PIP5K1C: variants seen among roughly 807,000 people sequenced by gnomAD.
The protein encoded by PIP5K1C is phosphatidylinositol 4-phosphate 5-kinase type-1 gamma.
In PIP5K1C, 45 loss-of-function variants were observed where a neutral mutation model predicts 80.1. The observed-to-expected ratio is 0.56, with a 90% CI of 0.44 to 0.72. The LOEUF (loss-of-function observed/expected upper bound fraction) is 0.72, where lower values mean the gene tolerates loss of function less well. Ranked by LOEUF, PIP5K1C falls within the 30% of genes least tolerant of loss-of-function variation. The pLI is 0.00. For missense variants in PIP5K1C, 753 were observed against 954.6 expected (o/e 0.79, Z 2.78); for synonymous variants, 498 against 420.1 (o/e 1.19, Z -2.27).
chr19:3,642,619 C>T (rs779804457), intron 14 of PIP5K1C, among the ~76,000 whole-genome samples: 6 of 151,866 alleles, frequency 4.0e-5, no homozygotes, highest in South Asian at 2.1e-4. Context: ...CAGGAGGGGG[C>T]GCATTTCACG....
Position 3,655,892 on chromosome 19 carries a change from G to A in PIP5K1C, c.621+513C>T, listed in dbSNP as rs1450238829. 2.6e-5 allele frequency among the ~76,000 whole-genome samples: 4 copies of A among 152,214 alleles called. No individual in the cohort carries two copies. In the East Asian group the frequency reaches 7.7e-4, roughly 29 times the overall value. ...CCTACTCCTACTCCCCCCTCCCGGG[G>A]CCTGACGCACCCTTTCTGTGAGTCA... On this transcript the variant is annotated intron_variant, in intron 6 of 17. Transcript: ENST00000335312.
chr19:3,675,384 AG>A (rs2035326687), intron 1 of PIP5K1C, among the ~76,000 whole-genome samples: 1 of 151,904 alleles, frequency 6.6e-6, no homozygotes, highest in Non-Finnish European at 1.5e-5. Flanking sequence ...TCTCTAAAGG[AG>A]GTTGGGGGAC....
chr19:3,641,603 T>C, intron 15 of PIP5K1C, 102 bp downstream of exon 15: 2 of 822,084 alleles, frequency 2.4e-6, no homozygotes, highest in South Asian at 1.4e-5. Context: ...GAATACAACC[T>C]AGTAAGAAAG....
In PIP5K1C at chr19:3,692,864, G is replaced by A. The variant is rs928172058; in HGVS notation, c.94+7433C>T. Among the ~76,000 whole-genome samples, 2 of 151,542 alleles carry A rather than the reference G, an allele frequency of 1.3e-5. No homozygotes were observed. The highest frequency in any genetic ancestry group is 4.8e-5 in the African/African-American group (2 of 41,238). The stretch of plus-strand genomic sequence containing the variant: ...CCTCACTGTTCCTCTAAAACACCAG[G>A]CGTGGTCCTGCCCCAGAGCCTTTGC... On this transcript the variant is annotated intron_variant, in intron 1 of 17. Coordinates refer to ENST00000335312, the MANE Select transcript of PIP5K1C (RefSeq NM_012398.3). The surrounding 1 kb of genome is among the most constrained non-coding windows in gnomAD (Gnocchi z 5.2).
chr19:3,650,188 T>C (rs967529895), intron 8 of PIP5K1C, among the ~76,000 whole-genome samples: 4 of 152,170 alleles, frequency 2.6e-5, no homozygotes, highest in Admixed American at 1.3e-4. Flanking sequence ...TGCCAGCCAG[T>C]GCCAGCCAGC....
In PIP5K1C at chr19:3,648,549, TGCAGACCCGGGCGCCCACCTGTGG is replaced by T; in HGVS notation, c.1211+52_1211+75del. The T allele has an allele frequency of 9.2e-7, 1 of 1,085,154 alleles. No homozygotes were observed. Among genetic ancestry groups the T allele is most frequent in the Non-Finnish European group, 1.3e-6 (1 of 741,094 alleles). 67.2% of individuals were successfully genotyped at this position (1,085,154 alleles called of 1,614,324 possible). A position where few individuals can be genotyped will look rare whatever the true frequency, so the allele number is the denominator to read the frequency against. On this transcript the variant is annotated intron_variant, in intron 9 of 17. Transcript: ENST00000335312. This position sits in a 1 kb window ranked among gnomAD's most constrained non-coding sequence, Gnocchi z 4.3. ...AGACCCGGGCGCCCACCTGTGGGGC[TGCAGACCCGGGCGCCCACCTGTGG>T]GACTGCAGACCCGGGGCGTCCACCT...
chr19:3,662,525 C>T (rs928646106), intron 3 of PIP5K1C, among the ~76,000 whole-genome samples: 3 of 152,152 alleles, frequency 2.0e-5, no homozygotes, highest in African/African-American at 7.2e-5. Flanking sequence ...CACAATGGTT[C>T]TGGCCCTCTT....
intron 1 of PIP5K1C, among the ~76,000 whole-genome samples, chr19:3,694,105 A>G (rs953147477): frequency 1.3e-5 from 2 of 151,100 alleles, no homozygotes; most frequent in African/African-American, 4.9e-5. Flanking sequence ...CCAGCTACTC[A>G]GGAGGCTGAG....
chr19:3,663,787 C>T (rs757334079), intron 3 of PIP5K1C, among the ~76,000 whole-genome samples: 7 of 152,230 alleles, frequency 4.6e-5, no homozygotes, highest in Non-Finnish European at 1.0e-4. Context: ...GGTGTGAAAA[C>T]GGTACCGCTG....
intron 1 of PIP5K1C, among the ~76,000 whole-genome samples, chr19:3,668,648 G>A (rs1016978435): frequency 1.3e-5 from 2 of 152,214 alleles, no homozygotes; most frequent in Admixed American, 6.5e-5. Context: ...TGCAGGGATC[G>A]CACGTGCTGG....
Position 3,646,016 on chromosome 19 carries a change from A to G in PIP5K1C, c.1303T>C (p.Phe435Leu), listed in dbSNP as rs1431374931. The part of the protein sequence containing the change: ...VHRPSFYAER[F>L]FKFMSNTVFR... Reference sequence around the variant, plus strand: ...ACCGTGTTGCTCATGAACTTGAAAAAGCGCTCGGCATAGAAGCTGGGGCGG... The same window carrying G: ...ACCGTGTTGCTCATGAACTTGAAAAGGCGCTCGGCATAGAAGCTGGGGCGG... Residue 435 changes from phenylalanine to leucine, a missense_variant, in exon 11 of 18, where the codon TTT (phenylalanine) becomes CTT (leucine). Transcript: ENST00000335312. 2.5e-6 allele frequency: 4 copies of G among 1,612,770 alleles called. No individual in the cohort carries two copies. The highest frequency in any genetic ancestry group is 3.4e-6 in the Non-Finnish European group (4 of 1,179,772).
At chr19:3,687,625 C>T (rs755030796) in intron 1 of PIP5K1C, among the ~76,000 whole-genome samples, 2 of 150,810 alleles carry the variant, frequency 1.3e-5, no homozygotes, top group African/African-American at 2.4e-5. Flanking sequence ...ACGCACAGGC[C>T]CTCAGAGGAC....
chr19:3,658,713 C>T (rs938814439), intron 5 of PIP5K1C, among the ~76,000 whole-genome samples: 7 of 152,150 alleles, frequency 4.6e-5, no homozygotes, highest in African/African-American at 7.2e-5. Flanking sequence ...AGGGGGAGGC[C>T]GATCTCACCT....
chr19:3,694,505 C>A (rs1220786446), intron 1 of PIP5K1C, among the ~76,000 whole-genome samples: 2 of 152,238 alleles, frequency 1.3e-5, no homozygotes, highest in Admixed American at 6.5e-5. Context: ...TGCCTCCAGG[C>A]ACCGGTGGCA....
At chr19:3,655,852 T>C (rs1023614147) in intron 6 of PIP5K1C, among the ~76,000 whole-genome samples, 1 of 152,200 alleles carries the variant, frequency 6.6e-6, no homozygotes, top group Non-Finnish European at 1.5e-5. Context: ...AGGAACACTG[T>C]GGCAGCCGCC....
chr19:3,693,041 C>T (rs975488954), intron 1 of PIP5K1C, among the ~76,000 whole-genome samples: 1 of 150,636 alleles, frequency 6.6e-6, no homozygotes, highest in Non-Finnish European at 1.5e-5. Context: ...CTCCGTGGCA[C>T]TTGTCCACTG....
At position 3,639,016 on chromosome 19, in the gene PIP5K1C, C is replaced by T; in HGVS notation, c.1788G>A (p.Gly596=). 6.2e-7 allele frequency: 1 copy of T among 1,610,424 alleles called. No homozygotes were observed. The highest frequency in any genetic ancestry group is 2.2e-5 in the East Asian group (1 of 44,860). ...AGGCACCGGCCGGGGAAGCCTCCAC[C>T]CTGGGGACAGGAGTAGACAGAGGGT... is the stretch of plus-strand genomic sequence containing the variant. The part of the protein sequence containing the change: ...EIVVPKEEDA[G]VEASPAGASA... The change falls in exon 16 of 18, where the codon GGG becomes GGA. Residue 596 remains glycine (G), a splice_region_variant and synonymous_variant. Coordinates refer to ENST00000335312, the MANE Select transcript of PIP5K1C (RefSeq NM_012398.3).
At chr19:3,653,995 C>A (rs1599973481) in intron 6 of PIP5K1C, among the ~76,000 whole-genome samples, 2 of 152,334 alleles carry the variant, frequency 1.3e-5, no homozygotes, top group Admixed American at 1.3e-4. Flanking sequence ...CATACACACA[C>A]ACGCACACAC....
intron 5 of PIP5K1C, among the ~76,000 whole-genome samples, chr19:3,657,891 C>T (rs547510944): frequency 3.3e-5 from 5 of 152,192 alleles, no homozygotes; most frequent in Admixed American, 6.5e-5. Context: ...GCTGTGACAG[C>T]GCCACTGCCC....
Sources: allele counts gnomAD v4.1 joint callset (sites outside exome capture counted in the v4.1 genomes callset), GRCh38; gene constraint gnomAD v4.1.1; non-coding constraint Gnocchi (gnomAD v3.1); transcripts MANE v1.5; gene names NCBI Gene and HGNC (gene_info 2026-07-23, HGNC 2026-07-21).